Variants in ABLIM1 observed in about 807,000 individuals in gnomAD.
ABLIM1 encodes actin-binding LIM protein 1.
A neutral mutation model predicts 107.0 loss-of-function variants in ABLIM1; 40 were observed. The observed-to-expected ratio is 0.37, with a 90% CI of 0.29 to 0.49. The LOEUF is 0.49. ABLIM1 is among the 20% of genes least tolerant of loss of function. The probability of loss-of-function intolerance (pLI) is 0.97; values close to 1 mark genes in which losing one functional copy is unlikely to be tolerated. For missense variants in ABLIM1, 857 were observed against 1,008.5 expected (o/e 0.85, Z 2.04); for synonymous variants, 357 against 357.3 (o/e 1.00, Z 0.01).
intron 1 of ABLIM1, among the ~76,000 whole-genome samples, chr10:114,726,945 G>GT (rs1337984759): frequency 1.3e-5 from 2 of 152,180 alleles, no homozygotes; most frequent in Non-Finnish European, 2.9e-5. Flanking sequence ...AACCATATCA[G>GT]TGAGTTAGAG....
At chr10:114,701,385 C>T (rs111478531) in intron 1 of ABLIM1, among the ~76,000 whole-genome samples, 3,746 of 152,132 alleles carry the variant, frequency 0.025, 143 homozygotes, top group African/African-American at 0.085. Context: ...TATACACCTA[C>T]CCTCCGACCT....
intron 7 of ABLIM1, among the ~76,000 whole-genome samples, chr10:114,490,522 G>A (rs1007542676): frequency 6.6e-6 from 1 of 152,206 alleles, no homozygotes; most frequent in African/African-American, 2.4e-5. Flanking sequence ...GACATGCACA[G>A]GTAGTTGAGA....
At chr10:114,748,580 C>T (rs1236469986) in intron 1 of ABLIM1, among the ~76,000 whole-genome samples, 1 of 131,480 alleles carries the variant, frequency 7.6e-6, no homozygotes. Flanking sequence ...TTGCCTGTTT[C>T]AAAAAAAAAA....
chr10:114,687,740 T>G (rs1334326039), upstream of ABLIM1, among the ~76,000 whole-genome samples: 4 of 152,240 alleles, frequency 2.6e-5, no homozygotes, highest in Admixed American at 2.6e-4. Flanking sequence ...TGGCCTCATC[T>G]TTTAAACTAA....
chr10:114,464,220 C>A (rs2064630007), intron 12 of ABLIM1, among the ~76,000 whole-genome samples: 1 of 145,422 alleles, frequency 6.9e-6, no homozygotes, highest in Non-Finnish European at 1.5e-5. Context: ...GAGTCTTGCT[C>A]TGTCATCCAG....
chr10:114,598,333 T>TCC (rs2075656411), intron 2 of ABLIM1, among the ~76,000 whole-genome samples: 1 of 145,356 alleles, frequency 6.9e-6, no homozygotes. Flanking sequence ...CATGCCTGTA[T>TCC]CCCCATGCTT....
intron 1 of ABLIM1, 128 bp from the exon 2 acceptor site, chr10:114,602,089 G>A: frequency 8.4e-7 from 1 of 1,196,990 alleles, no homozygotes; most frequent in Admixed American, 2.2e-5. Flanking sequence ...GAACAGAGCA[G>A]TCCCTCCAAG....
intron 1 of ABLIM1, among the ~76,000 whole-genome samples, chr10:114,669,690 T>G (rs2080170166): frequency 6.6e-6 from 1 of 152,170 alleles, no homozygotes; most frequent in Non-Finnish European, 1.5e-5. Flanking sequence ...CTTTAAAGCT[T>G]ACAATATAGG....
intron 1 of ABLIM1, among the ~76,000 whole-genome samples, chr10:114,653,755 C>T (rs1042855332): frequency 2.0e-5 from 3 of 152,208 alleles, no homozygotes; most frequent in Non-Finnish European, 4.4e-5. Flanking sequence ...ATCTATTTCA[C>T]TGATATATGC....
At chr10:114,543,502 T>C (rs1052475432) in intron 6 of ABLIM1, among the ~76,000 whole-genome samples, 17 of 152,246 alleles carry the variant, frequency 1.1e-4, no homozygotes, top group African/African-American at 3.9e-4. Flanking sequence ...ATTCCACTAG[T>C]TGGATACACC....
At position 114,433,450 on chromosome 10, in the gene ABLIM1, C is replaced by T. The variant is rs1319737923; in HGVS notation, c.*2810G>A. 6.6e-6 allele frequency: 1 copy of T among 152,202 alleles called. No homozygotes were observed. Among genetic ancestry groups the T allele is most frequent in the Non-Finnish European group, 1.5e-5 (1 of 68,038 alleles). The allele number at this position is 152,202 out of a possible 1,614,324, so 9.4% of individuals were successfully genotyped here. A position where few individuals can be genotyped will look rare whatever the true frequency, so the allele number is the denominator to read the frequency against. ...GGGGGCCCACTCTGCATTATGGTTTCCAATGACCCCTCCCCAGAGCAGAGC... is the reference window on the plus strand; with the variant it reads ...GGGGGCCCACTCTGCATTATGGTTTTCAATGACCCCTCCCCAGAGCAGAGC... On this transcript the variant is annotated 3_prime_UTR_variant, in exon 23 of 23. Coordinates refer to ENST00000533213, the MANE Select transcript of ABLIM1 (RefSeq NM_002313.7).
rs938775354 is a variant in ABLIM1 at position 114,656,946 on chromosome 10, C to T, written c.244+1011G>A. Among the ~76,000 whole-genome samples the T allele has an allele frequency of 9.9e-5, 15 of 152,062 alleles. No homozygotes were observed. The East Asian group carries it at 2.7e-3, about 27-fold the overall frequency. ...GGATGAAGAGGTTGGGGTGGGGAGG[C>T]GATAGCTAAAGGGTACAGGGTTTCT... On this transcript the variant is annotated intron_variant, in intron 1 of 22. Coordinates refer to ENST00000533213, the MANE Select transcript of ABLIM1 (RefSeq NM_002313.7).
chr10:114,632,382 A>G (rs2078247266), intron 1 of ABLIM1: 6 of 985,412 alleles, frequency 6.1e-6, no homozygotes, highest in Non-Finnish European at 7.2e-6. Flanking sequence ...GACGGTTCCA[A>G]TAAGTAAAAC....
At chr10:114,626,017 A>G (rs2077767367) in intron 1 of ABLIM1, among the ~76,000 whole-genome samples, 1 of 152,220 alleles carries the variant, frequency 6.6e-6, no homozygotes, top group African/African-American at 2.4e-5. Flanking sequence ...ACATTTTTTT[A>G]GAAGTAAGCA....
chr10:114,458,040 T>A (rs1276035481), intron 12 of ABLIM1, among the ~76,000 whole-genome samples: 7 of 152,014 alleles, frequency 4.6e-5, no homozygotes, highest in Non-Finnish European at 1.0e-4. Context: ...ACCACTGCAC[T>A]CCAGCTGGGG....
chr10:114,609,170 T>G lies in ABLIM1; in HGVS notation c.245-7209A>C, dbSNP rs1180419393. Among the ~76,000 whole-genome samples, 5 of 152,244 alleles carry G rather than the reference T, an allele frequency of 3.3e-5. No homozygotes were observed. The East Asian group carries it at 9.6e-4, about 29-fold the overall frequency. ...GTACTTATCCCTGTGCTAAGTGATG[T>G]GATCACAGACAGTCTGACTTTGCAG... is the stretch of plus-strand genomic sequence containing the variant. On this transcript the variant is annotated intron_variant, in intron 1 of 22. Transcript: ENST00000533213.
intron 2 of ABLIM1, among the ~76,000 whole-genome samples, chr10:114,585,736 C>T (rs913953810): frequency 6.6e-6 from 1 of 152,246 alleles, no homozygotes; most frequent in South Asian, 2.1e-4. Flanking sequence ...CAACTTCACC[C>T]AGGCTCCCGG....
At chr10:114,443,703 G>T (rs7914627) in intron 17 of ABLIM1, among the ~76,000 whole-genome samples, 1 of 146,720 alleles carries the variant, frequency 6.8e-6, no homozygotes, top group African/African-American at 2.5e-5. Context: ...AGAAGAAGAA[G>T]AAAAGCATCA....
intron 15 of ABLIM1, 62 bp downstream of exon 15, chr10:114,447,818 G>A: frequency 6.3e-7 from 1 of 1,584,102 alleles, no homozygotes; most frequent in Non-Finnish European, 8.6e-7. Context: ...ATGTTTTTAA[G>A]CATGTCATCT....
Sources: gnomAD v4.1 joint callset for allele counts (sites outside exome capture counted in the v4.1 genomes callset) on GRCh38, gnomAD v4.1.1 for gene constraint, MANE v1.5 for transcripts, NCBI Gene and HGNC (gene_info 2026-07-23, HGNC 2026-07-21) for gene names.